Variants in TMEM108 observed in about 807,000 individuals in gnomAD.
The protein encoded by TMEM108 is cancer/testis antigen 124.
TMEM108 carries 12 observed loss-of-function variants against 35.1 expected under a neutral mutation model. The observed-to-expected ratio is 0.34, with a 90% confidence interval of 0.22 to 0.55. The LOEUF is 0.55. Ranked by LOEUF, TMEM108 falls within the 20% of genes least tolerant of loss-of-function variation. TMEM108 has a pLI of 0.89. For missense variants in TMEM108, 680 were observed against 753.3 expected, an observed-to-expected ratio of 0.90 and a Z score of 1.14; for synonymous variants, 287 against 308.6, an observed-to-expected ratio of 0.93 and a Z score of 0.73.
rs768038311 is a variant in TMEM108, at chr3:133,090,592, A to G, written c.-47+44572A>G. Among the ~76,000 whole-genome samples, 13 of 152,352 alleles carry G rather than the reference A, an allele frequency of 8.5e-5. No homozygotes were observed. The East Asian group carries it at 1.3e-3, about 16-fold the overall frequency. On this transcript the variant is annotated intron_variant, in intron 2 of 5. Coordinates refer to ENST00000321871, the MANE Select transcript of TMEM108 (RefSeq NM_023943.4). ...TTGCCAAGTAAAGCTTGAGAAGTCA[A>G]TGCACTACCATTCTCTTAAGAATTA...
chr3:133,381,196 C>T (rs11921648), intron 4 of TMEM108, 35 bp downstream of exon 4: 1 of 1,544,610 alleles, frequency 6.5e-7, no homozygotes, highest in African/African-American at 1.4e-5. Context: ...TCCTCTCCCT[C>T]TACCACATCA....
At position 133,108,778 on chromosome 3, in the gene TMEM108, A is replaced by G. The variant is rs374186017; in HGVS notation, c.-47+62758A>G. ...CGCATGTTCTCACTCATAGGTGGGAATTGAACAATGAGAACACATGGACAC... is the reference window on the plus strand; with the variant it reads ...CGCATGTTCTCACTCATAGGTGGGAGTTGAACAATGAGAACACATGGACAC... On this transcript the variant is annotated intron_variant, in intron 2 of 5. Transcript: ENST00000321871. Among the ~76,000 whole-genome samples, 17 of 147,090 alleles carry G rather than the reference A, an allele frequency of 1.2e-4. No homozygotes were observed. In the East Asian group the frequency reaches 3.4e-3, roughly 30 times the overall value.
intron 3 of TMEM108, among the ~76,000 whole-genome samples, chr3:133,279,699 C>T (rs1464550022): frequency 1.3e-5 from 2 of 152,170 alleles, no homozygotes; most frequent in Non-Finnish European, 2.9e-5. Flanking sequence ...GACTCCAGCA[C>T]AGCACTTTAT....
At chr3:133,233,081 G>C (rs1205698607) in intron 3 of TMEM108, among the ~76,000 whole-genome samples, 1 of 147,472 alleles carries the variant, frequency 6.8e-6, no homozygotes, top group Non-Finnish European at 1.5e-5. Flanking sequence ...GGGTACATGT[G>C]CACAATGTGC....
intron 2 of TMEM108, among the ~76,000 whole-genome samples, chr3:133,096,666 A>G (rs913877990): frequency 3.3e-5 from 5 of 152,210 alleles, no homozygotes; most frequent in Non-Finnish European, 5.9e-5. Context: ...ACAGATGGTA[A>G]AGAGCAAAGC....
rs553680783 is a variant in TMEM108 at position 133,187,511 on chromosome 3, A to T, written c.-46-41755A>T. Among the ~76,000 whole-genome samples the T allele has an allele frequency of 2.6e-5, 4 of 152,322 alleles. No individual in the cohort carries two copies. In the East Asian group the frequency reaches 7.7e-4, roughly 29 times the overall value. ...ACGCCTGTAGTCCCAGCACTTTGGG[A>T]GGCCAAGGTGGGTGGATCACTTGAG... On this transcript the variant is annotated intron_variant, in intron 2 of 5. Transcript: ENST00000321871.
At chr3:133,304,052 G>A (rs531987972) in intron 3 of TMEM108, among the ~76,000 whole-genome samples, 42 of 152,326 alleles carry the variant, frequency 2.8e-4, no homozygotes, top group African/African-American at 9.9e-4. Flanking sequence ...ACTTCTCTGA[G>A]CCCAAATCTG....
intron 2 of TMEM108, among the ~76,000 whole-genome samples, chr3:133,055,538 T>C (rs1415448486): frequency 6.6e-6 from 1 of 152,198 alleles, no homozygotes; most frequent in African/African-American, 2.4e-5. Flanking sequence ...AGGATAAATG[T>C]GCACGGGGGG....
intron 3 of TMEM108, among the ~76,000 whole-genome samples, chr3:133,345,708 C>G (rs894718212): frequency 1.3e-5 from 2 of 151,832 alleles, no homozygotes; most frequent in African/African-American, 4.8e-5. Context: ...AAATTAATAG[C>G]TAATGATTCT....
intron 3 of TMEM108, among the ~76,000 whole-genome samples, chr3:133,321,426 C>A (rs1314875765): frequency 6.6e-6 from 1 of 152,126 alleles, no homozygotes; most frequent in Non-Finnish European, 1.5e-5. Context: ...CAAAGAAGGA[C>A]ATTATATAAT....
chr3:133,318,261 C>T (rs1315008408), intron 3 of TMEM108, among the ~76,000 whole-genome samples: 1 of 152,134 alleles, frequency 6.6e-6, no homozygotes, highest in Non-Finnish European at 1.5e-5. Context: ...GAGTGAACGC[C>T]CCTGGAAGAC....
chr3:133,242,006 AG>A (rs1288287007), intron 3 of TMEM108, among the ~76,000 whole-genome samples: 1 of 152,086 alleles, frequency 6.6e-6, no homozygotes, highest in Non-Finnish European at 1.5e-5. Context: ...GTCCAAAATC[AG>A]GGTGTTGAGG....
At chr3:133,207,678 G>A (rs1332237877) in intron 2 of TMEM108, among the ~76,000 whole-genome samples, 1 of 152,130 alleles carries the variant, frequency 6.6e-6, no homozygotes, top group East Asian at 1.9e-4. Context: ...ACAGAGACAA[G>A]AAATTCATTG....
intron 3 of TMEM108, among the ~76,000 whole-genome samples, chr3:133,262,113 C>T (rs1294516846): frequency 6.6e-6 from 1 of 152,210 alleles, no homozygotes; most frequent in Non-Finnish European, 1.5e-5. Flanking sequence ...TCTGCCTCCA[C>T]TCAGCATAGT....
chr3:133,113,078 A>G (rs1270926247), intron 2 of TMEM108, among the ~76,000 whole-genome samples: 1 of 152,206 alleles, frequency 6.6e-6, no homozygotes, highest in Non-Finnish European at 1.5e-5. Flanking sequence ...TTGTGGAAGT[A>G]GACATTGGAA....
At chr3:133,369,811 C>T (rs934031154) in intron 3 of TMEM108, among the ~76,000 whole-genome samples, 4 of 152,138 alleles carry the variant, frequency 2.6e-5, no homozygotes, top group Non-Finnish European at 5.9e-5. Flanking sequence ...CCTGCATGCC[C>T]GCATCTGTGG....
intron 2 of TMEM108, among the ~76,000 whole-genome samples, chr3:133,203,922 T>G (rs900749476): frequency 3.9e-5 from 6 of 152,182 alleles, no homozygotes; most frequent in Non-Finnish European, 8.8e-5. Context: ...CTCCATCTGG[T>G]CATTGGCTTT....
At chr3:133,199,350 G>A (rs1283248508) in intron 2 of TMEM108, among the ~76,000 whole-genome samples, 1 of 152,154 alleles carries the variant, frequency 6.6e-6, no homozygotes, top group East Asian at 1.9e-4. Context: ...TCCTTTGGAG[G>A]AGAAAAGGCA....
intron 2 of TMEM108, among the ~76,000 whole-genome samples, chr3:133,129,772 A>G (rs1445681809): frequency 3.9e-5 from 6 of 152,068 alleles, no homozygotes; most frequent in Non-Finnish European, 7.4e-5. Flanking sequence ...TATTATTTCC[A>G]TATTACAGAT....
Sources: gnomAD v4.1 joint callset for allele counts (sites outside exome capture counted in the v4.1 genomes callset) on GRCh38, gnomAD v4.1.1 for gene constraint, MANE v1.5 for transcripts, NCBI Gene and HGNC (gene_info 2026-07-23, HGNC 2026-07-21) for gene names.